SCD5: variants seen among roughly 807,000 people sequenced by gnomAD.
SCD5 encodes the protein stearoyl-CoA desaturase 5.
In SCD5, 20 loss-of-function variants were observed where a neutral mutation model predicts 30.4. The ratio of observed to expected loss-of-function variants is 0.66; its 90% CI spans 0.46 to 0.96. SCD5 has a LOEUF of 0.96. Among genes scored for constraint, SCD5 ranks in the 40% least tolerant of loss-of-function variants. The probability of loss-of-function intolerance (pLI) is 0.00; values close to 1 mark genes in which losing one functional copy is unlikely to be tolerated. For missense variants in SCD5, 381 were observed against 443.3 expected (o/e 0.86, Z 1.26); for synonymous variants, 173 against 176.4 (o/e 0.98, Z 0.16).
At chr4:82,642,504 C>T (rs1051351943) in intron 3 of SCD5, among the ~76,000 whole-genome samples, 4 of 152,184 alleles carry the variant, frequency 2.6e-5, no homozygotes, top group South Asian at 4.1e-4. Context: ...CATACTGTCC[C>T]GTGTCTATGA....
intron 1 of SCD5, among the ~76,000 whole-genome samples, chr4:82,769,452 GATTT>G (rs567412315): frequency 2.8e-4 from 43 of 152,246 alleles, no homozygotes; most frequent in East Asian, 2.3e-3. Context: ...GAGGATTAGA[GATTT>G]TTTTAATAAA....
At chr4:82,749,866 T>C (rs1474427) in intron 1 of SCD5, among the ~76,000 whole-genome samples, 120,060 of 152,154 alleles carry the variant, frequency 0.79, 47,665 homozygotes, top group Non-Finnish European at 0.82. Flanking sequence ...AGTTATTTAT[T>C]TGAAATGACT....
chr4:82,789,028 A>G (rs1178832943), intron 1 of SCD5, among the ~76,000 whole-genome samples: 3 of 152,160 alleles, frequency 2.0e-5, no homozygotes, highest in Non-Finnish European at 4.4e-5. Flanking sequence ...ACCTGCAGCC[A>G]AAAGCATCCT....
intron 1 of SCD5, among the ~76,000 whole-genome samples, chr4:82,774,655 G>C (rs1476419158): frequency 1.3e-5 from 2 of 152,128 alleles, no homozygotes; most frequent in African/African-American, 2.4e-5. Context: ...TGGGAGAAAA[G>C]TGACCTTCCC....
intron 1 of SCD5, among the ~76,000 whole-genome samples, chr4:82,714,135 C>T (rs896188934): frequency 6.6e-6 from 1 of 152,214 alleles, no homozygotes; most frequent in African/African-American, 2.4e-5. Flanking sequence ...ATTCCCACAG[C>T]CTACAGCCAT....
intron 1 of SCD5, among the ~76,000 whole-genome samples, chr4:82,762,158 T>G: frequency 8.8e-6 from 1 of 113,310 alleles, no homozygotes; most frequent in African/African-American, 3.4e-5. Context: ...TGGGTGAGAG[T>G]GAGACCCTGT....
intron 1 of SCD5, among the ~76,000 whole-genome samples, chr4:82,774,804 A>G (rs1721712384): frequency 6.6e-6 from 1 of 152,086 alleles, no homozygotes; most frequent in Non-Finnish European, 1.5e-5. Flanking sequence ...TCTTCCCAGG[A>G]TTCCAATTAA....
chr4:82,788,367 C>T (rs1402457690), intron 1 of SCD5, among the ~76,000 whole-genome samples: 5 of 152,134 alleles, frequency 3.3e-5, no homozygotes, highest in African/African-American at 1.2e-4. Flanking sequence ...CCAAGGGACG[C>T]ATGACACAAT....
At chr4:82,753,313 G>T in intron 1 of SCD5, 1 of 524,422 alleles carries the variant, frequency 1.9e-6, no homozygotes, top group Non-Finnish European at 3.9e-6. Context: ...CTGGGGTGGG[G>T]GTGGGGGGTT....
chr4:82,729,854 G>C lies in SCD5; in HGVS notation c.233-24441C>G, dbSNP rs546535803. Among the ~76,000 whole-genome samples the C allele has an allele frequency of 3.3e-5, 5 of 152,274 alleles. No homozygotes were observed. In the South Asian group the frequency reaches 1.0e-3, roughly 32 times the overall value. On this transcript the variant is annotated intron_variant, in intron 1 of 4. Transcript: ENST00000319540. ...CTAGACCCTTACCAGCCCGGAGAGG[G>C]CACCAGAGGAGTCTATACAACCAAC...
intron 3 of SCD5, among the ~76,000 whole-genome samples, chr4:82,651,948 T>C (rs956083782): frequency 2.6e-5 from 4 of 152,102 alleles, no homozygotes; most frequent in Admixed American, 2.6e-4. Flanking sequence ...ATTGGCTAGG[T>C]AAAAAACAAT....
intron 2 of SCD5, among the ~76,000 whole-genome samples, chr4:82,685,327 CATAAT>C (rs1728678817): frequency 6.6e-6 from 1 of 152,188 alleles, no homozygotes; most frequent in African/African-American, 2.4e-5. Context: ...ACTCAAGCCA[CATAAT>C]ATAACTAATA....
At chr4:82,746,447 T>C (rs1720984019) in intron 1 of SCD5, among the ~76,000 whole-genome samples, 1 of 152,224 alleles carries the variant, frequency 6.6e-6, no homozygotes. Context: ...TCTCTTTGGC[T>C]TTCATCTGAG....
chr4:82,719,123 T>C (rs1436009018), intron 1 of SCD5, among the ~76,000 whole-genome samples: 3 of 151,762 alleles, frequency 2.0e-5, no homozygotes, highest in Admixed American at 2.0e-4. Context: ...ATAGGGAATT[T>C]CAAATTTTAA....
Position 82,753,464 on chromosome 4 carries a change from C to T in SCD5, c.232+44842G>A, listed in dbSNP as rs145129029. On this transcript the variant is annotated intron_variant, in intron 1 of 4. Coordinates refer to ENST00000319540, the MANE Select transcript of SCD5 (RefSeq NM_001037582.3). ...CAAAGCAGTGCGCCCCAGAGTCACGCGGGTGGACTCTGACAGTGATAGTGT... is the reference window on the plus strand; with the variant it reads ...CAAAGCAGTGCGCCCCAGAGTCACGTGGGTGGACTCTGACAGTGATAGTGT... The T allele has an allele frequency of 1.2e-3, 605 of 496,920 alleles. 8 individuals are homozygous for T. Among genetic ancestry groups the T allele is most frequent in the South Asian group, 7.1e-3 (476 of 67,440 alleles). 30.8% of individuals were successfully genotyped at this position (496,920 alleles called of 1,614,324 possible). A position where few individuals can be genotyped will look rare whatever the true frequency, so the allele number is the denominator to read the frequency against.
chr4:82,734,253 C>T (rs1720700546), intron 1 of SCD5, among the ~76,000 whole-genome samples: 1 of 152,166 alleles, frequency 6.6e-6, no homozygotes, highest in Non-Finnish European at 1.5e-5. Context: ...TTCCCTCTTT[C>T]CTGTATCCCA....
At chr4:82,637,874 T>A (rs1227990073) in intron 3 of SCD5, among the ~76,000 whole-genome samples, 2 of 152,144 alleles carry the variant, frequency 1.3e-5, no homozygotes, top group Non-Finnish European at 1.5e-5. Flanking sequence ...TGGTTCTTTT[T>A]AAAAATTTTT....
chr4:82,661,021 A>G, intron 3 of SCD5: 1 of 1,614,082 alleles, frequency 6.2e-7, no homozygotes, highest in Non-Finnish European at 8.5e-7. Flanking sequence ...TTCACGAAGC[A>G]TCTCACACGC....
chr4:82,783,818 G>GA (rs1330402570), intron 1 of SCD5, among the ~76,000 whole-genome samples: 3 of 149,470 alleles, frequency 2.0e-5, no homozygotes, highest in Non-Finnish European at 3.0e-5. Context: ...AAAAAAAAAG[G>GA]AAAAAAATTA....
Sources: allele counts gnomAD v4.1 joint callset (sites outside exome capture counted in the v4.1 genomes callset), GRCh38; gene constraint gnomAD v4.1.1; transcripts MANE v1.5; gene names NCBI Gene and HGNC (gene_info 2026-07-23, HGNC 2026-07-21).